HS3ST4: variants seen among roughly 807,000 people sequenced by gnomAD.
HS3ST4 encodes heparan sulfate glucosamine 3-O-sulfotransferase 4.
In HS3ST4, 17 loss-of-function variants were observed where a neutral mutation model predicts 29.2. The ratio of observed to expected loss-of-function variants is 0.58; its 90% CI spans 0.40 to 0.87. The LOEUF (loss-of-function observed/expected upper bound fraction) is 0.87, where lower values mean the gene tolerates loss of function less well. Ranked by LOEUF, HS3ST4 falls within the 40% of genes least tolerant of loss-of-function variation. HS3ST4 has a pLI of 0.00. For synonymous variants in HS3ST4, 314 were observed against 285.7 expected (o/e 1.10, Z -1.00); for missense variants, 627 against 634.5 (o/e 0.99, Z 0.13).
At chr16:26,026,475 C>G (rs1194815855) in intron 1 of HS3ST4, among the ~76,000 whole-genome samples, 2 of 152,122 alleles carry the variant, frequency 1.3e-5, no homozygotes, top group Non-Finnish European at 1.5e-5. Context: ...CTATCTTTCT[C>G]CTTTGCTATT....
At chr16:26,034,710 C>T (rs1969567502) in intron 1 of HS3ST4, among the ~76,000 whole-genome samples, 1 of 151,298 alleles carries the variant, frequency 6.6e-6, no homozygotes, top group African/African-American at 2.4e-5. Context: ...TTTTGGATTA[C>T]AGATGTTTGG....
intron 1 of HS3ST4, among the ~76,000 whole-genome samples, chr16:25,711,128 T>G (rs558675005): frequency 1.3e-5 from 2 of 152,138 alleles, no homozygotes; most frequent in Admixed American, 6.5e-5. Flanking sequence ...CCAGCTCACA[T>G]TTTGAGGCTT....
rs74606149 is a variant in HS3ST4, at chr16:25,730,223, T to C, written c.734+37072T>C. Among the ~76,000 whole-genome samples, 567 of 152,310 alleles carry C rather than the reference T, an allele frequency of 3.7e-3. 4 individuals carry two copies. The highest frequency in any genetic ancestry group is 0.013 in the African/African-American group (526 of 41,578). Reference sequence around the variant, plus strand: ...CTATTTTTGGTGTTTTTCAAGGCTCTTGTATAGGTGACATTTTTTTCTTCC... The same window carrying C: ...CTATTTTTGGTGTTTTTCAAGGCTCCTGTATAGGTGACATTTTTTTCTTCC... On this transcript the variant is annotated intron_variant, in intron 1 of 1. Transcript: ENST00000331351.
chr16:25,956,727 G>A lies in HS3ST4; in HGVS notation c.735-178885G>A, dbSNP rs531881870. The stretch of plus-strand genomic sequence containing the variant: ...AAAAGCATGGGTTTTGGCTGGGCGT[G>A]GTGGCTCATGCCTGTAATCCCAGCA... On this transcript the variant is annotated intron_variant, in intron 1 of 1. Transcript: ENST00000331351. Among the ~76,000 whole-genome samples the A allele has an allele frequency of 6.6e-5, 10 of 152,068 alleles. No individual in the cohort carries two copies. The East Asian group carries it at 1.6e-3, about 24-fold the overall frequency.
At chr16:25,992,677 C>T (rs1330092196) in intron 1 of HS3ST4, among the ~76,000 whole-genome samples, 2 of 152,214 alleles carry the variant, frequency 1.3e-5, no homozygotes, top group African/African-American at 2.4e-5. Context: ...GTGGGTGCCA[C>T]GTTGAAGGCA....
At chr16:25,945,829 T>C (rs1334268329) in intron 1 of HS3ST4, among the ~76,000 whole-genome samples, 3 of 152,228 alleles carry the variant, frequency 2.0e-5, no homozygotes, top group Admixed American at 1.3e-4. Context: ...TTCATTCAGA[T>C]ACAGGCTTCC....
intron 1 of HS3ST4, among the ~76,000 whole-genome samples, chr16:25,900,514 G>A (rs1027369762): frequency 9.2e-5 from 14 of 151,832 alleles, no homozygotes; most frequent in Admixed American, 5.2e-4. Flanking sequence ...GAGCTTTCAG[G>A]GAGGCATTTA....
chr16:26,096,352 A>C (rs1457657954), intron 1 of HS3ST4, among the ~76,000 whole-genome samples: 1 of 152,230 alleles, frequency 6.6e-6, no homozygotes, highest in African/African-American at 2.4e-5. Flanking sequence ...TCAATAAAAT[A>C]CTGGCAAACC....
chr16:25,826,853 G>A (rs1487079361), intron 1 of HS3ST4, among the ~76,000 whole-genome samples: 1 of 152,088 alleles, frequency 6.6e-6, no homozygotes, highest in Non-Finnish European at 1.5e-5. Flanking sequence ...AATCAGACAT[G>A]CTTGCCCTTT....
chr16:25,859,974 A>C (rs1169225510), intron 1 of HS3ST4, among the ~76,000 whole-genome samples: 1 of 152,226 alleles, frequency 6.6e-6, no homozygotes, highest in Non-Finnish European at 1.5e-5. Flanking sequence ...CAGCAGCGAC[A>C]TTAGATTCTC....
intron 1 of HS3ST4, among the ~76,000 whole-genome samples, chr16:26,019,507 A>T (rs183362266): frequency 3.5e-4 from 53 of 151,316 alleles, no homozygotes; most frequent in African/African-American, 1.3e-3. Flanking sequence ...ACAGGAGGGC[A>T]ATCAGAGTAA....
chr16:26,059,208 G>A (rs1040936360), intron 1 of HS3ST4, among the ~76,000 whole-genome samples: 2 of 152,084 alleles, frequency 1.3e-5, no homozygotes, highest in African/African-American at 2.4e-5. Context: ...CAGGTTCAAG[G>A]GTTCAGGGTG....
intron 1 of HS3ST4, among the ~76,000 whole-genome samples, chr16:26,106,852 T>C (rs1337257687): frequency 6.6e-6 from 1 of 152,212 alleles, no homozygotes; most frequent in Non-Finnish European, 1.5e-5. Flanking sequence ...CTCCTTCTGC[T>C]GAGTGCAGCA....
intron 1 of HS3ST4, among the ~76,000 whole-genome samples, chr16:25,750,297 A>G (rs969615844): frequency 2.6e-5 from 4 of 152,172 alleles, no homozygotes; most frequent in Admixed American, 6.6e-5. Flanking sequence ...TTAATGTTCT[A>G]GTGACAAAGT....
chr16:25,900,130 A>C (rs1968108003), intron 1 of HS3ST4, among the ~76,000 whole-genome samples: 1 of 152,190 alleles, frequency 6.6e-6, no homozygotes, highest in Admixed American at 6.5e-5. Flanking sequence ...TGTAATTTTA[A>C]GATAGGTGTG....
At chr16:26,088,491 G>A (rs146542601) in intron 1 of HS3ST4, among the ~76,000 whole-genome samples, 4 of 152,264 alleles carry the variant, frequency 2.6e-5, no homozygotes, top group African/African-American at 4.8e-5. Context: ...TGGTTGAGGC[G>A]AATGGTTGGT....
intron 1 of HS3ST4, among the ~76,000 whole-genome samples, chr16:26,110,118 A>T (rs1899109557): frequency 6.6e-6 from 1 of 151,992 alleles, no homozygotes; most frequent in Non-Finnish European, 1.5e-5. Flanking sequence ...TTTTTTTTAG[A>T]TTCTACATAT....
At chr16:25,756,948 AC>A (rs1279869216) in intron 1 of HS3ST4, among the ~76,000 whole-genome samples, 5 of 152,204 alleles carry the variant, frequency 3.3e-5, no homozygotes, top group African/African-American at 1.2e-4. Context: ...TGCTATACAT[AC>A]GTCTTATCTC....
At chr16:25,989,624 A>G (rs1969097313) in intron 1 of HS3ST4, among the ~76,000 whole-genome samples, 1 of 152,200 alleles carries the variant, frequency 6.6e-6, no homozygotes, top group African/African-American at 2.4e-5. Flanking sequence ...ATGTTTGCAA[A>G]TCAAGCAAAG....
Sources: gnomAD v4.1 joint callset for allele counts (sites outside exome capture counted in the v4.1 genomes callset) on GRCh38, gnomAD v4.1.1 for gene constraint, MANE v1.5 for transcripts, NCBI Gene and HGNC (gene_info 2026-07-23, HGNC 2026-07-21) for gene names.